The following TLL2 variants were observed in gnomAD, a reference collection of about 807,000 sequenced individuals.
TLL2 encodes tolloid-like protein 2.
In TLL2, 106 loss-of-function variants were observed where a neutral mutation model predicts 123.0. The ratio of observed to expected loss-of-function variants is 0.86; its 90% CI spans 0.74 to 1.01. The LOEUF is 1.01. Among genes scored for constraint, TLL2 ranks in the 50% least tolerant of loss-of-function variants. The pLI is 0.00. For synonymous variants in TLL2, 494 were observed against 516.8 expected (o/e 0.96, Z 0.60); for missense variants, 1,332 against 1,336.7 (o/e 1.00, Z 0.06).
chr10:96,375,460 C>A (rs535514529), intron 18 of TLL2: 1 of 152,178 alleles, frequency 6.6e-6, no homozygotes, highest in Non-Finnish European at 1.5e-5. Context: ...GGCGCCTCCC[C>A]CGAGGTCCTC....
Position 96,367,934 on chromosome 10 carries a change from CA to C in TLL2, c.*153del. 1.1e-6 allele frequency: 1 copy of C among 926,312 alleles called. No individual in the cohort carries two copies. The highest frequency in any genetic ancestry group is 1.6e-6 in the Non-Finnish European group (1 of 643,848). The allele number at this position is 926,312 out of a possible 1,614,324, so 57.4% of individuals were successfully genotyped here. A position where few individuals can be genotyped will look rare whatever the true frequency, so the allele number is the denominator to read the frequency against. ...TTGTTGGCCAAACTTACAAGACTTT[CA>C]TTCAAATATATACCTCTAAGGCTGG... On this transcript the variant is annotated 3_prime_UTR_variant, in exon 21 of 21. Coordinates refer to ENST00000357947, the MANE Select transcript of TLL2 (RefSeq NM_012465.4).
At chr10:96,426,718 A>G (rs920606572) in intron 5 of TLL2, among the ~76,000 whole-genome samples, 3 of 152,040 alleles carry the variant, frequency 2.0e-5, no homozygotes, top group African/African-American at 7.2e-5. Flanking sequence ...TATTTCTCCC[A>G]TTTTCATTTC....
At chr10:96,428,539 T>A in intron 5 of TLL2, 92 bp downstream of exon 5, 1 of 821,430 alleles carries the variant, frequency 1.2e-6, no homozygotes, top group Admixed American at 2.2e-5. Flanking sequence ...AAATAACAGC[T>A]CATTGGAAAT....
chr10:96,468,937 G>A (rs914109552), intron 2 of TLL2, among the ~76,000 whole-genome samples: 2 of 152,358 alleles, frequency 1.3e-5, no homozygotes, highest in African/African-American at 4.8e-5. Context: ...AGGATGAGAT[G>A]ATCAACTCCT....
intron 18 of TLL2, chr10:96,374,064 T>G (rs1846111458): frequency 4.1e-6 from 2 of 489,732 alleles, no homozygotes; most frequent in African/African-American, 3.9e-5. Flanking sequence ...ACACTGCAGA[T>G]GAGAGAGCAG....
At chr10:96,430,840 C>T (rs1271854247) in intron 4 of TLL2, among the ~76,000 whole-genome samples, 3 of 152,080 alleles carry the variant, frequency 2.0e-5, no homozygotes, top group African/African-American at 7.2e-5. Context: ...CGTGATCATG[C>T]CACTGCACTG....
chr10:96,387,491 G>A (rs1471284038), intron 13 of TLL2, among the ~76,000 whole-genome samples: 1 of 152,134 alleles, frequency 6.6e-6, no homozygotes, highest in Admixed American at 6.5e-5. Flanking sequence ...TTAAATAAAG[G>A]GTGAAGACAA....
intron 10 of TLL2, among the ~76,000 whole-genome samples, chr10:96,401,834 G>T (rs1479357839): frequency 6.6e-6 from 1 of 152,220 alleles, no homozygotes; most frequent in Non-Finnish European, 1.5e-5. Context: ...TTCCTGGGAG[G>T]TGGGGGTAGA....
chr10:96,454,813 T>C, intron 2 of TLL2, among the ~76,000 whole-genome samples: 1 of 152,178 alleles, frequency 6.6e-6, no homozygotes, highest in East Asian at 1.9e-4. Flanking sequence ...CCTTATTGAC[T>C]CTAACTGTTC....
chr10:96,407,334 C>T (rs750359418), intron 9 of TLL2, among the ~76,000 whole-genome samples: 10 of 152,174 alleles, frequency 6.6e-5, no homozygotes, highest in Non-Finnish European at 1.5e-5. Flanking sequence ...CTCTTTGGAA[C>T]GCCCCACCCT....
rs553878980 is a variant in TLL2 at position 96,480,664 on chromosome 10, C to A, written c.176-205G>T. Among the ~76,000 whole-genome samples the A allele has an allele frequency of 2.0e-5, 3 of 152,232 alleles. No individual in the cohort carries two copies. In the East Asian group the frequency reaches 5.8e-4, roughly 29 times the overall value. ...TAGTTCTGTGCAGCCTGGGGCTGTG[C>A]CAACCACCATGAAAATCCAAATCCT... is the stretch of plus-strand genomic sequence containing the variant. On this transcript the variant is annotated intron_variant, in intron 1 of 20. Coordinates refer to ENST00000357947, the MANE Select transcript of TLL2 (RefSeq NM_012465.4).
At chr10:96,416,414 T>C (rs979970290) in intron 7 of TLL2, among the ~76,000 whole-genome samples, 2 of 152,204 alleles carry the variant, frequency 1.3e-5, no homozygotes, top group Non-Finnish European at 2.9e-5. Context: ...ACTCATTTCA[T>C]CTTCATAACA....
chr10:96,403,023 C>T (rs755698196), intron 10 of TLL2, among the ~76,000 whole-genome samples: 47 of 152,206 alleles, frequency 3.1e-4, no homozygotes, highest in Non-Finnish European at 1.2e-4. Context: ...GTGCCAAGGA[C>T]AAAGTCCTCA....
At chr10:96,448,368 T>G (rs957186209) in intron 2 of TLL2, among the ~76,000 whole-genome samples, 4 of 152,216 alleles carry the variant, frequency 2.6e-5, no homozygotes, top group Admixed American at 6.5e-5. Context: ...ACCTGTGGTG[T>G]GGAGGCGAGC....
rs551910940 is a variant in TLL2 at position 96,422,512 on chromosome 10, G to A, written c.817+37C>T. On this transcript the variant is annotated intron_variant, in intron 6 of 20. Coordinates refer to ENST00000357947, the MANE Select transcript of TLL2 (RefSeq NM_012465.4). ...CTGTCCCTGAGGTTGCCACCTTCTC[G>A]ACCGGTGCCTTCCAGACTCCACACA... The A allele has an allele frequency of 2.7e-4, 442 of 1,610,854 alleles. 3 individuals carry two copies. In the South Asian group the frequency reaches 4.6e-3, roughly 17 times the overall value.
chr10:96,467,951 T>C (rs1407070565), intron 2 of TLL2, among the ~76,000 whole-genome samples: 1 of 152,180 alleles, frequency 6.6e-6, no homozygotes, highest in African/African-American at 2.4e-5. Flanking sequence ...TGTATTAAGA[T>C]GGCTGGTGAG....
intron 3 of TLL2, among the ~76,000 whole-genome samples, chr10:96,444,944 C>CT (rs1382877126): frequency 1.3e-5 from 2 of 152,222 alleles, no homozygotes; most frequent in African/African-American, 4.8e-5. Flanking sequence ...AATCCCAGCA[C>CT]TTTGGGAGGC....
intron 1 of TLL2, among the ~76,000 whole-genome samples, chr10:96,491,863 G>C (rs1052720708): frequency 3.3e-5 from 5 of 152,178 alleles, no homozygotes. Flanking sequence ...GGCGTCGCAA[G>C]GAGGTAACAG....
intron 1 of TLL2, among the ~76,000 whole-genome samples, chr10:96,493,978 C>G (rs533435790): frequency 2.1e-4 from 32 of 152,306 alleles, no homozygotes; most frequent in Non-Finnish European, 3.8e-4. Flanking sequence ...CCTTTTGGCT[C>G]CAAGACTCAG....
Sources: allele counts gnomAD v4.1 joint callset (sites outside exome capture counted in the v4.1 genomes callset), GRCh38; gene constraint gnomAD v4.1.1; transcripts MANE v1.5; gene names NCBI Gene and HGNC (gene_info 2026-07-23, HGNC 2026-07-21).